The following TECRL variants were observed in gnomAD, a reference collection of about 807,000 sequenced individuals.
The protein encoded by TECRL is trans-2,3-enoyl-CoA reductase-like.
TECRL carries 63 observed loss-of-function variants against 52.8 expected under a neutral mutation model. The ratio of observed to expected loss-of-function variants is 1.19; its 90% CI spans 0.97 to 1.47. TECRL has a LOEUF of 1.47. Ranked by LOEUF, TECRL falls within the 40% of genes most tolerant of loss-of-function variation. The pLI is 0.00. For synonymous variants in TECRL, 164 were observed against 141.9 expected, an observed-to-expected ratio of 1.16 and a Z score of -1.10; for missense variants, 482 against 429.6, an observed-to-expected ratio of 1.12 and a Z score of -1.08.
intron 2 of TECRL, among the ~76,000 whole-genome samples, chr4:64,368,677 T>C (rs1021765246): frequency 6.6e-6 from 1 of 152,074 alleles, no homozygotes; most frequent in Non-Finnish European, 1.5e-5. Flanking sequence ...TTTTATTTTT[T>C]TAAAGTATTC....
At chr4:64,399,993 A>C (rs996190687) in intron 1 of TECRL, among the ~76,000 whole-genome samples, 3 of 152,132 alleles carry the variant, frequency 2.0e-5, no homozygotes, top group Non-Finnish European at 4.4e-5. Flanking sequence ...TCCAGATCCC[A>C]AGAATGATAT....
At chr4:64,287,408 T>A (rs7689002) in intron 9 of TECRL, among the ~76,000 whole-genome samples, 5,929 of 152,220 alleles carry the variant, frequency 0.039, 382 homozygotes, top group African/African-American at 0.14. Context: ...TTTTATATGT[T>A]TCACTAGCCT....
At chr4:64,391,357 A>G (rs1394497868) in intron 1 of TECRL, among the ~76,000 whole-genome samples, 1 of 151,760 alleles carries the variant, frequency 6.6e-6, no homozygotes, top group Non-Finnish European at 1.5e-5. Flanking sequence ...ACCAGCACCA[A>G]CTTGTTTTCA....
At chr4:64,367,270 A>T (rs1721666427) in intron 2 of TECRL, among the ~76,000 whole-genome samples, 1 of 151,984 alleles carries the variant, frequency 6.6e-6, no homozygotes, top group Non-Finnish European at 1.5e-5. Context: ...GGGTCAGAAA[A>T]CTACCTATTC....
At chr4:64,374,763 A>G (rs1722279427) in intron 2 of TECRL, among the ~76,000 whole-genome samples, 1 of 152,108 alleles carries the variant, frequency 6.6e-6, no homozygotes, top group African/African-American at 2.4e-5. Context: ...ATGGCTGCAT[A>G]GTATTCCATG....
Position 64,345,509 on chromosome 4 carries a change from A to G in TECRL, c.287-16953T>C, listed in dbSNP as rs1036423935. Reference sequence around the variant, plus strand: ...GGTGGGAATTGAACAATGAGAACACATGGACACAGGAAGAGGAACATCACA... The same window carrying G: ...GGTGGGAATTGAACAATGAGAACACGTGGACACAGGAAGAGGAACATCACA... On this transcript the variant is annotated intron_variant, in intron 2 of 11. Coordinates refer to ENST00000381210, the MANE Select transcript of TECRL (RefSeq NM_001010874.5). Among the ~76,000 whole-genome samples, 13 of 131,382 alleles carry G rather than the reference A, an allele frequency of 9.9e-5. No individual in the cohort carries two copies. In the Admixed American group the frequency reaches 1.2e-3, roughly 12 times the overall value. 86.2% of individuals were successfully genotyped at this position (131,382 alleles called of 152,430 possible). A position where few individuals can be genotyped will look rare whatever the true frequency, so the allele number is the denominator to read the frequency against.
At chr4:64,340,001 A>G (rs1719439183) in intron 2 of TECRL, among the ~76,000 whole-genome samples, 1 of 152,032 alleles carries the variant, frequency 6.6e-6, no homozygotes, top group Non-Finnish European at 1.5e-5. Flanking sequence ...GCAACCGTAA[A>G]CCTCGTTTTA....
In TECRL at chr4:64,374,079, A is replaced by ATATATATATATATATATATTTATT. The variant is rs1343885987; in HGVS notation, c.286+1092_286+1093insAATAAATATATATATATATATATA. Among the ~76,000 whole-genome samples the ATATATATATATATATATATTTATT allele has an allele frequency of 6.2e-5, 6 of 96,780 alleles. No individual in the cohort carries two copies. The South Asian group carries it at 1.1e-3, about 18-fold the overall frequency. The allele number at this position is 96,780 out of a possible 152,430, so 63.5% of individuals were successfully genotyped here. A position where few individuals can be genotyped will look rare whatever the true frequency, so the allele number is the denominator to read the frequency against. ...TATATATATATATATATATATATAT[A>ATATATATATATATATATATTTATT]TATTTATCTTTTTGGTTTTGTTCTT... On this transcript the variant is annotated intron_variant, in intron 2 of 11. Transcript: ENST00000381210.
rs147544764 is a variant in TECRL, at chr4:64,400,524, A to T, written c.234+8594T>A. On this transcript the variant is annotated intron_variant, in intron 1 of 11. Coordinates refer to ENST00000381210, the MANE Select transcript of TECRL (RefSeq NM_001010874.5). ...GAGGGACCAAGGGCAGAAAAAATAT[A>T]GTTTGGGAATTTGTCCCTGCCCAAA... Among the ~76,000 whole-genome samples the T allele has an allele frequency of 7.7e-3, 1,179 of 152,232 alleles. 13 individuals are homozygous for T. The highest frequency in any genetic ancestry group is 0.027 in the African/African-American group (1,109 of 41,520).
intron 2 of TECRL, among the ~76,000 whole-genome samples, chr4:64,355,674 C>A (rs1360848407): frequency 2.6e-5 from 4 of 151,216 alleles, no homozygotes; most frequent in Non-Finnish European, 4.4e-5. Context: ...TGGTGTCAGG[C>A]ACCTGTAGTC....
chr4:64,361,993 T>G (rs2109618344), intron 2 of TECRL, among the ~76,000 whole-genome samples: 1 of 152,256 alleles, frequency 6.6e-6, no homozygotes, highest in African/African-American at 2.4e-5. Context: ...GACATAGCCA[T>G]TTTAAGAAAA....
At chr4:64,280,376 T>C (rs985783557) in intron 11 of TECRL, among the ~76,000 whole-genome samples, 177 bp from the exon 12 acceptor site, 7 of 152,064 alleles carry the variant, frequency 4.6e-5, no homozygotes, top group Non-Finnish European at 1.0e-4. Context: ...ATCGCATGAA[T>C]GAGTAAACAC....
intron 5 of TECRL, 58 bp downstream of exon 5, chr4:64,314,590 G>GGGGT (rs1560492050): frequency 6.7e-6 from 5 of 745,940 alleles, no homozygotes; most frequent in Non-Finnish European, 1.1e-5. Context: ...TAACGTGTAT[G>GGGGT]GTGTGTGTGT....
chr4:64,328,594 G>T (rs770696536), intron 2 of TECRL, 38 bp from the exon 3 acceptor site: 6 of 1,569,116 alleles, frequency 3.8e-6, no homozygotes, highest in Admixed American at 3.4e-5. Flanking sequence ...GTCAGAAAAA[G>T]TGTAACTATA....
intron 2 of TECRL, among the ~76,000 whole-genome samples, chr4:64,358,908 GA>G (rs1436299311): frequency 2.6e-5 from 4 of 151,626 alleles, no homozygotes; most frequent in African/African-American, 9.7e-5. Context: ...TAGGAAACGT[GA>G]AAAATAAATG....
rs75728391 is a variant in TECRL, at chr4:64,333,048, T to C, written c.287-4492A>G. Among the ~76,000 whole-genome samples, 815 of 152,068 alleles carry C rather than the reference T, an allele frequency of 5.4e-3. 2 individuals are homozygous for C. Among genetic ancestry groups the C allele is most frequent in the African/African-American group, 0.019 (775 of 41,524 alleles). On this transcript the variant is annotated intron_variant, in intron 2 of 11. Coordinates refer to ENST00000381210, the MANE Select transcript of TECRL (RefSeq NM_001010874.5). ...ATAAAATAAAATGTACACATACACA[T>C]ATATTGATATATAATTAAAGACATA...
At chr4:64,337,702 T>C (rs1017932606) in intron 2 of TECRL, among the ~76,000 whole-genome samples, 27 of 152,050 alleles carry the variant, frequency 1.8e-4, no homozygotes, top group Non-Finnish European at 3.8e-4. Context: ...ATAAAATACC[T>C]AGGAATCCAA....
intron 2 of TECRL, among the ~76,000 whole-genome samples, chr4:64,374,077 A>ATATG (rs1722195328): frequency 4.9e-5 from 5 of 102,862 alleles, no homozygotes; most frequent in Middle Eastern, 5.8e-3. Context: ...ATATATATAT[A>ATATG]TATATTTATC....
intron 1 of TECRL, among the ~76,000 whole-genome samples, chr4:64,408,002 C>G (rs1183126302): frequency 1.3e-5 from 2 of 151,732 alleles, no homozygotes; most frequent in East Asian, 3.9e-4. Flanking sequence ...TGATTTAAAA[C>G]TGTACAGAAA....
Sources: gnomAD v4.1 joint callset for allele counts (sites outside exome capture counted in the v4.1 genomes callset) on GRCh38, gnomAD v4.1.1 for gene constraint, MANE v1.5 for transcripts, NCBI Gene and HGNC (gene_info 2026-07-23, HGNC 2026-07-21) for gene names.